Variants in UBAP2 observed in about 807,000 individuals in gnomAD.
The protein encoded by UBAP2 is ubiquitin associated protein 2.
Under a neutral mutation model 139.6 loss-of-function variants are expected in UBAP2, and 75 were observed. The observed-to-expected ratio is 0.54, with a 90% CI of 0.45 to 0.65. The LOEUF is 0.65. Among genes scored for constraint, UBAP2 ranks in the 30% least tolerant of loss-of-function variants. The probability of loss-of-function intolerance (pLI) is 0.00; values close to 1 mark genes in which losing one functional copy is unlikely to be tolerated. For missense variants in UBAP2, 1,368 were observed against 1,369.6 expected (o/e 1.00, Z 0.02); for synonymous variants, 526 against 526.2 (o/e 1.00, Z 0.01).
chr9:33,968,430 T>C (rs528019482), intron 8 of UBAP2: 7 of 561,722 alleles, frequency 1.2e-5, no homozygotes, highest in South Asian at 7.0e-5. Context: ...TACATAGTCA[T>C]GGCCGAGGGC....
chr9:34,013,287 C>A (rs536224574), intron 2 of UBAP2, among the ~76,000 whole-genome samples: 1 of 152,028 alleles, frequency 6.6e-6, no homozygotes, highest in Non-Finnish European at 1.5e-5. Context: ...CAGTGGCTCA[C>A]GCCTGTAATC....
intron 1 of UBAP2, among the ~76,000 whole-genome samples, chr9:34,036,476 A>C (rs901402862): frequency 1.3e-5 from 2 of 152,104 alleles, no homozygotes; most frequent in African/African-American, 4.8e-5. Context: ...CCCCAGCTCA[A>C]GGAATCCTTG....
chr9:33,929,331 C>T (rs1358429984), intron 19 of UBAP2, among the ~76,000 whole-genome samples: 1 of 152,210 alleles, frequency 6.6e-6, no homozygotes, highest in Non-Finnish European at 1.5e-5. Context: ...AGTCTCTTCT[C>T]CCTTAGCTGC....
chr9:33,963,931 T>G (rs1047424768), intron 8 of UBAP2, 140 bp from the exon 9 acceptor site: 14 of 637,432 alleles, frequency 2.2e-5, no homozygotes, highest in Non-Finnish European at 3.7e-5. Flanking sequence ...AAATCCATAC[T>G]CTTACAGGTC....
chr9:33,925,677 C>T (rs1213035027), intron 22 of UBAP2, among the ~76,000 whole-genome samples: 1 of 152,176 alleles, frequency 6.6e-6, no homozygotes, highest in African/African-American at 2.4e-5. Flanking sequence ...TCTGGAAATA[C>T]GGCCAGCCAG....
intron 6 of UBAP2, among the ~76,000 whole-genome samples, chr9:33,983,125 G>A (rs772012560): frequency 1.3e-5 from 2 of 152,012 alleles, no homozygotes; most frequent in East Asian, 1.9e-4. Context: ...TGATCTGCTC[G>A]CCTCGGCCTC....
At position 33,944,497 on chromosome 9, in the gene UBAP2, T is replaced by A. The variant is rs776854774; in HGVS notation, c.1413A>T (p.Gly471=). ...GCTTGTTCACAGTGGAGGGACTGTC[T>A]CCAGGTGTTGATTCTCGAAGTTTTG... is the stretch of plus-strand genomic sequence containing the variant. The part of the protein sequence containing the change: ...SQAKLRESTP[G]DSPSTVNKLL... Residue 471 remains glycine (G), a synonymous_variant, in exon 14 of 29, where the codon GGA becomes GGT. Transcript: ENST00000379238. 7.4e-6 allele frequency: 12 copies of A among 1,613,980 alleles called. No homozygotes were observed. Among genetic ancestry groups the A allele is most frequent in the Non-Finnish European group, 1.0e-5 (12 of 1,180,030 alleles).
intron 6 of UBAP2, among the ~76,000 whole-genome samples, chr9:33,985,627 G>A (rs1821139596): frequency 6.6e-6 from 1 of 152,172 alleles, no homozygotes; most frequent in Non-Finnish European, 1.5e-5. Flanking sequence ...TCTCATGCAG[G>A]TAGAGAGTGG....
intron 6 of UBAP2, among the ~76,000 whole-genome samples, chr9:33,974,845 C>T (rs1828174351): frequency 6.9e-6 from 1 of 145,800 alleles, no homozygotes; most frequent in African/African-American, 2.5e-5. Context: ...GAGGCTGAGG[C>T]AGGAGAATCG....
At chr9:34,034,871 AAAAC>A (rs1216631301) in intron 1 of UBAP2, among the ~76,000 whole-genome samples, 2 of 31,656 alleles carry the variant, frequency 6.3e-5, no homozygotes, top group East Asian at 2.3e-3. Flanking sequence ...ACTCAATCTC[AAAAC>A]AAACAAACAA....
chr9:33,932,540 A>G, intron 19 of UBAP2, 22 bp downstream of exon 19: 1 of 1,613,304 alleles, frequency 6.2e-7, no homozygotes, highest in Non-Finnish European at 8.5e-7. Flanking sequence ...GCGGAGGAAG[A>G]GGAAGCCGCG....
At chr9:34,012,210 T>C (rs887238792) in intron 2 of UBAP2, among the ~76,000 whole-genome samples, 2 of 152,196 alleles carry the variant, frequency 1.3e-5, no homozygotes, top group African/African-American at 4.8e-5. Context: ...CTGAATACAA[T>C]GTATATTCCA....
intron 1 of UBAP2, among the ~76,000 whole-genome samples, chr9:34,037,997 CAAAAAAAA>C (rs72361484): frequency 4.7e-4 from 41 of 87,366 alleles, no homozygotes; most frequent in African/African-American, 1.3e-3. Flanking sequence ...CCTGTCTCTA[CAAAAAAAA>C]AAAAAAAAAA....
At chr9:34,028,211 G>A (rs78714592) in intron 1 of UBAP2, among the ~76,000 whole-genome samples, 1 of 151,826 alleles carries the variant, frequency 6.6e-6, no homozygotes. Flanking sequence ...GAGTGCTGGT[G>A]AACTCAAACA....
chr9:34,046,049 TAAC>T (rs1827550628), intron 1 of UBAP2, among the ~76,000 whole-genome samples: 2 of 151,960 alleles, frequency 1.3e-5, no homozygotes, highest in South Asian at 4.1e-4. Context: ...TTACTCAAAA[TAAC>T]AACTAAGAGC....
chr9:33,983,561 G>A (rs768414118), intron 6 of UBAP2, among the ~76,000 whole-genome samples: 1 of 152,144 alleles, frequency 6.6e-6, no homozygotes, highest in Non-Finnish European at 1.5e-5. Context: ...CACACATAAC[G>A]TTGGTCTTAT....
intron 3 of UBAP2, chr9:33,996,881 G>C (rs1378229792): frequency 6.5e-6 from 1 of 152,978 alleles, no homozygotes; most frequent in Non-Finnish European, 1.5e-5. Context: ...CCAGGAGTTC[G>C]AGACTGGACA....
At chr9:33,940,204 G>C in intron 16 of UBAP2, among the ~76,000 whole-genome samples, 1 of 152,098 alleles carries the variant, frequency 6.6e-6, no homozygotes, top group South Asian at 2.1e-4. Flanking sequence ...CGTTTCTTTG[G>C]CTCTAGAAAG....
chr9:33,985,678 G>A (rs1821145141), intron 6 of UBAP2, among the ~76,000 whole-genome samples: 1 of 152,100 alleles, frequency 6.6e-6, no homozygotes, highest in Admixed American at 6.6e-5. Context: ...TGGGTATAGA[G>A]GGTGGGGAAT....
Sources: allele counts gnomAD v4.1 joint callset (sites outside exome capture counted in the v4.1 genomes callset), GRCh38; gene constraint gnomAD v4.1.1; transcripts MANE v1.5; gene names NCBI Gene and HGNC (gene_info 2026-07-23, HGNC 2026-07-21).